The following ERICH1 variants were observed in gnomAD, a reference collection of about 807,000 sequenced individuals.
ERICH1 encodes glutamate rich 1.
ERICH1 carries 56 observed loss-of-function variants against 39.6 expected under a neutral mutation model. The ratio of observed to expected loss-of-function variants is 1.41; its 90% confidence interval spans 1.14 to 1.77. ERICH1 has a LOEUF of 1.77. Ranked by LOEUF, ERICH1 falls within the 40% of genes most tolerant of loss-of-function variation. The pLI is 0.00. For synonymous variants in ERICH1, 313 were observed against 223.6 expected (o/e 1.40, Z -3.57); for missense variants, 826 against 575.4 (o/e 1.44, Z -4.45).
Position 715,865 on chromosome 8 carries a change from C to CA in ERICH1, c.164dup (p.Leu55PhefsTer7), listed in dbSNP as rs752732426. 36 of 1,610,556 alleles carry CA rather than the reference C, an allele frequency of 2.2e-5. No homozygotes were observed. The highest frequency in any genetic ancestry group is 3.0e-5 in the Non-Finnish European group (35 of 1,178,850). ...CACATCTGCAGACAAACTCACCTGT[C>CA]AAAGGCTCAGCATGTTTCTGGCTCA... On this transcript the variant is annotated frameshift_variant, in exon 2 of 6. Transcript: ENST00000262109. LOFTEE classifies it high-confidence loss of function.
chr8:687,488 A>T (rs1166815138), intron 3 of ERICH1, among the ~76,000 whole-genome samples: 1 of 152,208 alleles, frequency 6.6e-6, no homozygotes, highest in African/African-American at 2.4e-5. Flanking sequence ...GTGGGTCCAG[A>T]CTGTCACCCC....
chr8:620,023 CA>C (rs1317602355), intron 3 of ERICH1, among the ~76,000 whole-genome samples: 2 of 152,040 alleles, frequency 1.3e-5, no homozygotes, highest in East Asian at 3.9e-4. Context: ...ATATACAAAA[CA>C]AAAAGTGGGC....
intron 3 of ERICH1, among the ~76,000 whole-genome samples, chr8:641,517 G>C (rs565399328): frequency 6.6e-6 from 1 of 152,240 alleles, no homozygotes; most frequent in Non-Finnish European, 1.5e-5. Flanking sequence ...TTAATAGCCT[G>C]TATCGTAATG....
chr8:635,764 CGTGT>C (rs144042044), intron 3 of ERICH1, among the ~76,000 whole-genome samples: 4 of 151,970 alleles, frequency 2.6e-5, no homozygotes, highest in East Asian at 1.9e-4. Context: ...GCTCCCCCAG[CGTGT>C]GTGTGTGTGT....
intron 3 of ERICH1, among the ~76,000 whole-genome samples, chr8:690,624 C>A (rs1356680447): frequency 6.6e-6 from 1 of 152,242 alleles, no homozygotes; most frequent in Non-Finnish European, 1.5e-5. Flanking sequence ...GTATGCCACC[C>A]CTGCCTGGGC....
At chr8:662,003 C>T (rs1411075733), downstream of ERICH1, among the ~76,000 whole-genome samples, 6 of 152,008 alleles carry the variant, frequency 3.9e-5, no homozygotes, top group South Asian at 1.2e-3. Context: ...TGACCCACCA[C>T]CCCTGCAATG....
downstream of ERICH1, among the ~76,000 whole-genome samples, chr8:662,563 G>A (rs1368221459): frequency 1.3e-5 from 2 of 152,124 alleles, no homozygotes; most frequent in Non-Finnish European, 2.9e-5. Context: ...CTGGAGAATC[G>A]CTTGAACCTG....
intron 2 of ERICH1, among the ~76,000 whole-genome samples, chr8:706,963 G>C (rs991047718): frequency 3.9e-5 from 6 of 152,034 alleles, no homozygotes; most frequent in Non-Finnish European, 8.8e-5. Flanking sequence ...AATTTCAAAT[G>C]ATTTTTTTTT....
intron 2 of ERICH1, among the ~76,000 whole-genome samples, chr8:713,558 A>C (rs886562198): frequency 2.0e-5 from 3 of 152,158 alleles, no homozygotes; most frequent in Admixed American, 1.3e-4. Context: ...ATCCTTGACC[A>C]GAACGGTGTC....
At chr8:699,208 A>T (rs1053497791) in intron 2 of ERICH1, among the ~76,000 whole-genome samples, 2 of 151,994 alleles carry the variant, frequency 1.3e-5, no homozygotes, top group Non-Finnish European at 2.9e-5. Flanking sequence ...CTGATACGAG[A>T]TGTGTAAGGC....
intron 3 of ERICH1, among the ~76,000 whole-genome samples, chr8:655,660 ATTCCTTCCTTCCTTCCTTCC>A (rs57152332): frequency 0.014 from 2,033 of 143,084 alleles, 51 homozygotes; most frequent in African/African-American, 0.048. Flanking sequence ...TGTCCTCTGC[ATTCCTTCCTTCCTTCCTTCC>A]TTCCTTCCTT....
intron 3 of ERICH1, among the ~76,000 whole-genome samples, chr8:628,502 G>GT (rs2117080853): frequency 6.6e-6 from 1 of 152,348 alleles, no homozygotes; most frequent in South Asian, 2.1e-4. Flanking sequence ...CCAGGCAGCT[G>GT]GCGACCTTGG....
intron 3 of ERICH1, among the ~76,000 whole-genome samples, chr8:617,378 C>A (rs555219627): frequency 6.6e-6 from 1 of 152,194 alleles, no homozygotes; most frequent in African/African-American, 2.4e-5. Flanking sequence ...CCTGCCTCAC[C>A]GTTCTCAGCA....
At chr8:673,163 T>A (rs1468025311) in intron 4 of ERICH1, 126 bp downstream of exon 4, 16 of 1,182,164 alleles carry the variant, frequency 1.4e-5, no homozygotes, top group Non-Finnish European at 1.8e-5. Context: ...TTAGTTGCCT[T>A]ACAACTAATT....
intron 2 of ERICH1, among the ~76,000 whole-genome samples, chr8:712,396 G>A (rs1814947084): frequency 6.6e-6 from 1 of 151,942 alleles, no homozygotes; most frequent in Non-Finnish European, 1.5e-5. Context: ...TTTATTATGG[G>A]GGGGTGGTAA....
At chr8:664,736 T>G (rs1801932663) in intron 5 of ERICH1, 60 bp from the exon 6 acceptor site, 4 of 1,426,772 alleles carry the variant, frequency 2.8e-6, no homozygotes, top group Non-Finnish European at 3.9e-6. Context: ...AAATCATAAG[T>G]TATTATTATG....
At chr8:664,169 G>A (rs1181912445), downstream of ERICH1, 1 of 875,646 alleles carries the variant, frequency 1.1e-6, no homozygotes, top group Admixed American at 6.2e-5. Flanking sequence ...ACAAAGTAGA[G>A]AAGAGAAAAA....
chr8:706,548 C>T (rs566175707), intron 2 of ERICH1, among the ~76,000 whole-genome samples: 5 of 152,146 alleles, frequency 3.3e-5, no homozygotes, highest in South Asian at 4.1e-4. Flanking sequence ...CTGAGGTGGG[C>T]GGATCACCTG....
chr8:641,943 C>T (rs1004933674), intron 3 of ERICH1, among the ~76,000 whole-genome samples: 5 of 152,332 alleles, frequency 3.3e-5, no homozygotes, highest in South Asian at 4.1e-4. Context: ...TAGCTTTTTC[C>T]GAGGAGGCAT....
Sources: allele counts gnomAD v4.1 joint callset (sites outside exome capture counted in the v4.1 genomes callset), GRCh38; gene constraint gnomAD v4.1.1; transcripts MANE v1.5; gene names NCBI Gene and HGNC (gene_info 2026-07-23, HGNC 2026-07-21).